BTLA: variants seen among roughly 807,000 people sequenced by gnomAD.
BTLA encodes the protein B and T lymphocyte associated, also known as B- and T-lymphocyte attenuator.
Under a neutral mutation model 25.0 loss-of-function variants are expected in BTLA, and 11 were observed. The ratio of observed to expected loss-of-function variants is 0.44; its 90% CI spans 0.28 to 0.73. The LOEUF is 0.73. Among genes scored for constraint, BTLA ranks in the 30% least tolerant of loss-of-function variants. BTLA has a pLI of 0.15. For missense variants in BTLA, 282 were observed against 332.8 expected (o/e 0.85, Z 1.19); for synonymous variants, 104 against 119.8 (o/e 0.87, Z 0.86).
chr3:112,492,963 G>A (rs1001137570), intron 1 of BTLA, among the ~76,000 whole-genome samples: 1 of 152,168 alleles, frequency 6.6e-6, no homozygotes, highest in African/African-American at 2.4e-5. Context: ...TCTGGACTCT[G>A]TTCTAAGTGA....
At chr3:112,496,023 A>G (rs2082407313) in intron 1 of BTLA, among the ~76,000 whole-genome samples, 1 of 152,206 alleles carries the variant, frequency 6.6e-6, no homozygotes, top group Non-Finnish European at 1.5e-5. Flanking sequence ...AAAAATCACA[A>G]TAACCAGTAA....
chr3:112,487,027 A>G (rs2082351848), intron 1 of BTLA, among the ~76,000 whole-genome samples: 1 of 152,172 alleles, frequency 6.6e-6, no homozygotes, highest in Non-Finnish European at 1.5e-5. Context: ...GGACTTTATA[A>G]ATTTGCTATC....
intron 1 of BTLA, among the ~76,000 whole-genome samples, chr3:112,494,477 T>G (rs2082398150): frequency 6.6e-6 from 1 of 152,124 alleles, no homozygotes; most frequent in African/African-American, 2.4e-5. Context: ...CAGCACTATT[T>G]ACAATAGCAA....
rs1348608621 is a variant in BTLA, at chr3:112,466,300, A to G, written c.678T>C (p.Tyr226=). The G allele has an allele frequency of 2.5e-6, 4 of 1,613,916 alleles. No homozygotes were observed. The highest frequency in any genetic ancestry group is 3.4e-6 in the Non-Finnish European group (4 of 1,179,964). ...TGAAACAAAGGTCAGGGTCATTATC[A>G]TAAATTCCAGTTTCTGATAGCAGTA... The part of the protein sequence containing the change: ...SQVLLSETGI[Y]DNDPDLCFRM... Residue 226 remains tyrosine, a synonymous_variant, in exon 5 of 5, where the codon TAT becomes TAC. Coordinates refer to ENST00000334529, the MANE Select transcript of BTLA (RefSeq NM_181780.4).
intron 1 of BTLA, among the ~76,000 whole-genome samples, chr3:112,485,111 T>A (rs938345281): frequency 6.6e-6 from 1 of 151,796 alleles, no homozygotes. Flanking sequence ...GTGATGCAAT[T>A]TCGGCTCACT....
At position 112,472,534 on chromosome 3, in the gene BTLA, T is replaced by TA. The variant is rs1327502753; in HGVS notation, c.404-1180dup. On this transcript the variant is annotated intron_variant, in intron 2 of 4. Transcript: ENST00000334529. The stretch of plus-strand genomic sequence containing the variant: ...CAAAATGGTGAAACCCCGTCTCTAC[T>TA]AAAAATACAAAAATTAGCTGGGCGT... 4.6e-5 allele frequency among the ~76,000 whole-genome samples: 7 copies of TA among 152,036 alleles called. No individual in the cohort carries two copies. The South Asian group carries it at 1.5e-3, about 32-fold the overall frequency.
At chr3:112,476,604 G>A (rs957896488) in intron 2 of BTLA, among the ~76,000 whole-genome samples, 1 of 152,072 alleles carries the variant, frequency 6.6e-6, no homozygotes, top group Non-Finnish European at 1.5e-5. Flanking sequence ...CAATTTATGA[G>A]CAACAAAAGA....
chr3:112,479,829 T>C, intron 1 of BTLA, 60 bp from the exon 2 acceptor site: 1 of 1,327,408 alleles, frequency 7.5e-7, no homozygotes. Context: ...CATATATATG[T>C]GACTTCAATA....
Position 112,466,158 on chromosome 3 carries a change from T to G in BTLA, c.820A>C (p.Asn274His). 6.2e-7 allele frequency: 1 copy of G among 1,610,860 alleles called. No individual in the cohort carries two copies. Among genetic ancestry groups the G allele is most frequent in the South Asian group, 1.1e-5 (1 of 90,748 alleles). ...VIGPNSRLARNVKEAPTEYAS... is the reference protein window; with the variant it reads ...VIGPNSRLARHVKEAPTEYAS... ...TATTCTGTTGGTGCTTCTTTTACATTTCTTGCCAGTCTTGAGTTCGGTCCA... is the reference window on the plus strand; with the variant it reads ...TATTCTGTTGGTGCTTCTTTTACATGTCTTGCCAGTCTTGAGTTCGGTCCA... The change falls in exon 5 of 5, where the codon AAT becomes CAT. Residue 274 changes from asparagine to histidine, a missense_variant. By Grantham distance (68) the Asn-to-His change is moderately conservative. This residue lies in a region of BTLA where 119 missense variants were observed against 102.3 expected (regional missense o/e 1.16). Transcript: ENST00000334529.
intron 4 of BTLA, 26 bp downstream of exon 4, chr3:112,469,732 T>C: frequency 6.3e-7 from 1 of 1,597,732 alleles, no homozygotes; most frequent in Non-Finnish European, 8.6e-7. Context: ...AAATTGCATT[T>C]GTTTCAACAG....
In BTLA at chr3:112,493,539, C is replaced by T. The variant is rs2082391688; in HGVS notation, c.88+5732G>A. Among the ~76,000 whole-genome samples, 3 of 152,158 alleles carry T rather than the reference C, an allele frequency of 2.0e-5. No individual in the cohort carries two copies. In the South Asian group the frequency reaches 6.2e-4, roughly 31 times the overall value. On this transcript the variant is annotated intron_variant, in intron 1 of 4. Transcript: ENST00000334529. ...GTTTTTTTTTGGAGACAGAGTCTCA[C>T]TCTGTTACCCAGCTGGAGTGCAGTG...
At chr3:112,466,996 A>C (rs1206651477) in intron 4 of BTLA, among the ~76,000 whole-genome samples, 1 of 150,134 alleles carries the variant, frequency 6.7e-6, no homozygotes, top group Admixed American at 6.6e-5. Context: ...TCTTGCCTAT[A>C]GCCCAGGCTG....
rs1285862600 is a variant in BTLA, at chr3:112,469,788, G to A, written c.564C>T (p.Leu188=). The A allele has an allele frequency of 6.2e-7, 1 of 1,610,722 alleles. No homozygotes were observed. The highest frequency in any genetic ancestry group is 8.5e-7 in the Non-Finnish European group (1 of 1,179,362). The change falls in exon 4 of 5, where the codon CTC becomes CTT. Residue 188 remains leucine (L), a synonymous_variant. Coordinates refer to ENST00000334529, the MANE Select transcript of BTLA (RefSeq NM_181780.4). ...LRRHQGKQNE[L]SDTAGREINL... is the part of the protein sequence containing the mutation. ...TAATTTCCCTTCCTGCTGTGTCAGA[G>A]AGTTCATTTTGCTTTCCTGGAAGAC... is the stretch of plus-strand genomic sequence containing the variant.
At position 112,466,263 on chromosome 3, in the gene BTLA, C is replaced by T. The variant is rs952121403; in HGVS notation, c.715G>A (p.Gly239Arg). 2 of 1,614,078 alleles carry T rather than the reference C, an allele frequency of 1.2e-6. No individual in the cohort carries two copies. The highest frequency in any genetic ancestry group is 4.5e-5 in the East Asian group (2 of 44,868). ...DPDLCFRMQEGSEVYSNPCLE... is the reference protein window; with the variant it reads ...DPDLCFRMQERSEVYSNPCLE... ...CATGGATTAGAATAAACTTCAGACCCTTCCTGCATCCTGAAACAAAGGTCA... is the reference window on the plus strand; with the variant it reads ...CATGGATTAGAATAAACTTCAGACCTTTCCTGCATCCTGAAACAAAGGTCA... Residue 239 changes from glycine to arginine, a missense_variant, in exon 5 of 5, where the codon GGG (glycine) becomes AGG (arginine). By Grantham distance (125) the Gly-to-Arg change is moderately radical. Around this residue, in one of 2 missense-constraint regions of BTLA, gnomAD observed 119 missense variants for 102.3 expected, o/e 1.16. Transcript: ENST00000334529.
At chr3:112,474,664 C>T (rs755950398) in intron 2 of BTLA, among the ~76,000 whole-genome samples, 3 of 152,156 alleles carry the variant, frequency 2.0e-5, no homozygotes, top group African/African-American at 4.8e-5. Flanking sequence ...GGAGTGATCC[C>T]TTCCCCTCAG....
intron 2 of BTLA, among the ~76,000 whole-genome samples, chr3:112,476,792 C>A (rs1458353699): frequency 1.3e-5 from 2 of 152,156 alleles, no homozygotes; most frequent in Admixed American, 1.3e-4. Flanking sequence ...AGATTCAGAA[C>A]ATATTTATCA....
At chr3:112,488,807 A>C (rs560017960) in intron 1 of BTLA, among the ~76,000 whole-genome samples, 1 of 148,800 alleles carries the variant, frequency 6.7e-6, no homozygotes, top group South Asian at 2.1e-4. Flanking sequence ...AGAGATGGGG[A>C]TTCACCATGT....
At chr3:112,495,160 T>C (rs568240719) in intron 1 of BTLA, among the ~76,000 whole-genome samples, 1 of 152,330 alleles carries the variant, frequency 6.6e-6, no homozygotes, top group Non-Finnish European at 1.5e-5. Context: ...TTTTTTTAGA[T>C]GAGAAAACTG....
chr3:112,476,872 C>G (rs1022647634), intron 2 of BTLA, among the ~76,000 whole-genome samples: 1 of 152,136 alleles, frequency 6.6e-6, no homozygotes, highest in East Asian at 1.9e-4. Context: ...CCCTGGCAAC[C>G]ACCAAGCTAC....
Sources: allele counts gnomAD v4.1 joint callset (sites outside exome capture counted in the v4.1 genomes callset), GRCh38; gene constraint gnomAD v4.1.1; regional missense constraint gnomAD v4.1.1; transcripts MANE v1.5; gene names NCBI Gene and HGNC (gene_info 2026-07-23, HGNC 2026-07-21).